The following SLC24A3 variants were observed in gnomAD, a reference collection of about 807,000 sequenced individuals.
SLC24A3 encodes sodium/potassium/calcium exchanger 3.
In SLC24A3, 28 loss-of-function variants were observed where a neutral mutation model predicts 75.8. The observed-to-expected ratio is 0.37, with a 90% CI of 0.27 to 0.51. The LOEUF (loss-of-function observed/expected upper bound fraction) is 0.51. SLC24A3 is among the 20% of genes least tolerant of loss of function. The pLI, the probability that SLC24A3 is intolerant of heterozygous loss-of-function variation, is 0.94. For synonymous variants in SLC24A3, 372 were observed against 334.1 expected (o/e 1.11, Z -1.24); for missense variants, 663 against 847.8 (o/e 0.78, Z 2.71).
At chr20:19,630,897 A>C (rs1036347725) in intron 6 of SLC24A3, among the ~76,000 whole-genome samples, 1 of 152,244 alleles carries the variant, frequency 6.6e-6, no homozygotes, top group Non-Finnish European at 1.5e-5. Flanking sequence ...TGAAATTTAG[A>C]TGCTGGCCCT....
intron 2 of SLC24A3, among the ~76,000 whole-genome samples, chr20:19,506,456 G>A (rs1044598436): frequency 5.3e-5 from 8 of 152,130 alleles, no homozygotes; most frequent in Admixed American, 5.2e-4. Context: ...AAAAAAGGGG[G>A]TAATTTGTTC....
chr20:19,423,490 G>A (rs900215110), intron 2 of SLC24A3, among the ~76,000 whole-genome samples: 4 of 152,192 alleles, frequency 2.6e-5, no homozygotes, highest in Admixed American at 6.5e-5. Context: ...AGGAGCCCCC[G>A]GGAGGTGTTT....
At position 19,681,906 on chromosome 20, in the gene SLC24A3, C is replaced by T. The variant is rs760446446; in HGVS notation, c.816C>T (p.Ala272=). The T allele has an allele frequency of 1.2e-5, 20 of 1,613,958 alleles. No homozygotes were observed. The highest frequency in any genetic ancestry group is 8.0e-5 in the African/African-American group (6 of 74,886). Residue 272 remains alanine (A), a synonymous_variant, in exon 10 of 17, where the codon GCC becomes GCT. Coordinates refer to ENST00000328041, the MANE Select transcript of SLC24A3 (RefSeq NM_020689.4). The part of the protein sequence containing the change: ...HQCFERRTKG[A]GNMVNGLANN... ...GCTTTGAGAGGAGGACAAAAGGTGC[C>T]GGGAACATGGTCAACGGATTGGCCA...
At chr20:19,493,452 T>G (rs1988235358) in intron 2 of SLC24A3, among the ~76,000 whole-genome samples, 1 of 152,220 alleles carries the variant, frequency 6.6e-6, no homozygotes, top group Admixed American at 6.5e-5. Flanking sequence ...ACTCCAAAAT[T>G]TTAATTAAAT....
Position 19,346,114 on chromosome 20 carries a change from G to A in SLC24A3, c.271+65027G>A, listed in dbSNP as rs1201068289. ...ATATATATATATATATATATGGTGT[G>A]TGTGTGTGTGTATATATATATATGG... On this transcript the variant is annotated intron_variant, in intron 2 of 16. Coordinates refer to ENST00000328041, the MANE Select transcript of SLC24A3 (RefSeq NM_020689.4). Among the ~76,000 whole-genome samples, 123 of 65,220 alleles carry A rather than the reference G, an allele frequency of 1.9e-3. 31 individuals carry two copies. Among genetic ancestry groups the A allele is most frequent in the African/African-American group, 0.012 (117 of 9,634 alleles). 42.8% of individuals were successfully genotyped at this position (65,220 alleles called of 152,430 possible). A position where few individuals can be genotyped will look rare whatever the true frequency, so the allele number is the denominator to read the frequency against.
At chr20:19,672,112 C>T (rs1039972371) in intron 8 of SLC24A3, among the ~76,000 whole-genome samples, 1 of 152,066 alleles carries the variant, frequency 6.6e-6, no homozygotes, top group Non-Finnish European at 1.5e-5. Flanking sequence ...GTGCCCTTGA[C>T]AGGTGATTCA....
chr20:19,269,238 G>C (rs1983254684), intron 1 of SLC24A3, among the ~76,000 whole-genome samples: 2 of 152,236 alleles, frequency 1.3e-5, no homozygotes, highest in African/African-American at 4.8e-5. Context: ...TCCCATCACT[G>C]CACAGGGTCC....
At chr20:19,222,237 G>T (rs1981734755) in intron 1 of SLC24A3, among the ~76,000 whole-genome samples, 1 of 151,912 alleles carries the variant, frequency 6.6e-6, no homozygotes. Context: ...GTAGTATTGA[G>T]GTTTTCTTTT....
intron 2 of SLC24A3, among the ~76,000 whole-genome samples, chr20:19,309,453 C>T (rs1480139388): frequency 5.3e-5 from 8 of 152,202 alleles, no homozygotes; most frequent in African/African-American, 1.7e-4. Flanking sequence ...GAAGTGTCAA[C>T]ACCTCTTGGA....
At chr20:19,375,199 C>A (rs1986061991) in intron 2 of SLC24A3, among the ~76,000 whole-genome samples, 1 of 152,176 alleles carries the variant, frequency 6.6e-6, no homozygotes, top group South Asian at 2.1e-4. Flanking sequence ...TCCTGGGCAC[C>A]AAATCCTGGC....
intron 6 of SLC24A3, among the ~76,000 whole-genome samples, chr20:19,622,830 G>T (rs2031821286): frequency 6.6e-6 from 1 of 152,198 alleles, no homozygotes; most frequent in Admixed American, 6.5e-5. Flanking sequence ...TCTGCTTGTG[G>T]TGAGGGCTTC....
At chr20:19,252,643 C>CGGGGGTG (rs1555783962) in intron 1 of SLC24A3, among the ~76,000 whole-genome samples, 1 of 133,364 alleles carries the variant, frequency 7.5e-6, no homozygotes, top group African/African-American at 2.7e-5. Flanking sequence ...ATTGGAATGG[C>CGGGGGTG]GGGGGGGGGT....
At chr20:19,383,162 A>G (rs1349955454) in intron 2 of SLC24A3, among the ~76,000 whole-genome samples, 1 of 152,146 alleles carries the variant, frequency 6.6e-6, no homozygotes, top group Non-Finnish European at 1.5e-5. Flanking sequence ...GGTAATCATG[A>G]TGATATACAT....
intron 6 of SLC24A3, among the ~76,000 whole-genome samples, chr20:19,635,896 T>A (rs997734276): frequency 6.6e-6 from 1 of 152,100 alleles, no homozygotes; most frequent in African/African-American, 2.4e-5. Flanking sequence ...ATCCCAGCAC[T>A]TTGGGAGGCC....
intron 6 of SLC24A3, among the ~76,000 whole-genome samples, chr20:19,607,652 C>A (rs78861993): frequency 0.078 from 11,866 of 152,234 alleles, 623 homozygotes; most frequent in Non-Finnish European, 0.1. Context: ...CTAATCAATT[C>A]TTCCACTGTA....
chr20:19,717,127 GA>G (rs1167173539), intron 15 of SLC24A3, among the ~76,000 whole-genome samples: 1 of 152,218 alleles, frequency 6.6e-6, no homozygotes, highest in African/African-American at 2.4e-5. Flanking sequence ...CCCATGTCAT[GA>G]AATTCATCCT....
chr20:19,545,153 G>A (rs1322827229), intron 3 of SLC24A3, among the ~76,000 whole-genome samples: 1 of 152,172 alleles, frequency 6.6e-6, no homozygotes, highest in African/African-American at 2.4e-5. Flanking sequence ...CATAAACATG[G>A]GAAATGCATG....
At chr20:19,549,558 C>T (rs192882512) in intron 3 of SLC24A3, among the ~76,000 whole-genome samples, 157 of 152,262 alleles carry the variant, frequency 1.0e-3, no homozygotes, top group African/African-American at 3.6e-3. Context: ...CCAAGGCGGG[C>T]GGATCACTTG....
chr20:19,254,576 G>T (rs574954261), intron 1 of SLC24A3, among the ~76,000 whole-genome samples: 4 of 152,138 alleles, frequency 2.6e-5, no homozygotes, highest in Non-Finnish European at 5.9e-5. Context: ...TATAACACGC[G>T]TGATGACAAG....
Sources: allele counts gnomAD v4.1 joint callset (sites outside exome capture counted in the v4.1 genomes callset), GRCh38; gene constraint gnomAD v4.1.1; transcripts MANE v1.5; gene names NCBI Gene and HGNC (gene_info 2026-07-23, HGNC 2026-07-21).